The following NRXN3 variants were observed in gnomAD, a reference collection of about 807,000 sequenced individuals.
NRXN3 encodes neurexin III.
NRXN3 carries 32 observed loss-of-function variants against 137.6 expected under a neutral mutation model. That is an observed-to-expected ratio of 0.23 (90% CI 0.18 to 0.31). The LOEUF is 0.31. Ranked by LOEUF, NRXN3 falls within the 10% of genes least tolerant of loss-of-function variation. The pLI is 1.00. For missense variants in NRXN3, 1,574 were observed against 2,062.5 expected (o/e 0.76, Z 4.59); for synonymous variants, 798 against 784.5 (o/e 1.02, Z -0.29).
At chr14:78,907,341 C>T (rs1365961001) in intron 10 of NRXN3, among the ~76,000 whole-genome samples, 1 of 151,968 alleles carries the variant, frequency 6.6e-6, no homozygotes, top group Non-Finnish European at 1.5e-5. Context: ...GGTCACATGG[C>T]CACTTTTCTG....
At chr14:79,850,788 A>G (rs139130966) in intron 20 of NRXN3, among the ~76,000 whole-genome samples, 1 of 152,326 alleles carries the variant, frequency 6.6e-6, no homozygotes, top group African/African-American at 2.4e-5. Context: ...ATGAACTGCT[A>G]TTAGCAAGCA....
intron 20 of NRXN3, among the ~76,000 whole-genome samples, chr14:79,809,574 A>G (rs1603568917): frequency 6.6e-6 from 1 of 152,202 alleles, no homozygotes; most frequent in Non-Finnish European, 1.5e-5. Flanking sequence ...CCAGAATTGA[A>G]CCTTTAAACA....
At chr14:78,951,276 T>C (rs954642200) in intron 10 of NRXN3, among the ~76,000 whole-genome samples, 3 of 152,198 alleles carry the variant, frequency 2.0e-5, no homozygotes, top group African/African-American at 4.8e-5. Flanking sequence ...TTCCAAGAGC[T>C]TCCAGTATGT....
At chr14:79,126,426 T>C (rs1258784207) in intron 15 of NRXN3, among the ~76,000 whole-genome samples, 3 of 150,608 alleles carry the variant, frequency 2.0e-5, no homozygotes, top group Middle Eastern at 6.8e-3. Context: ...TATGCGGTGT[T>C]TGGTTTTTTG....
chr14:78,286,019 G>A (rs1177570311), intron 3 of NRXN3, among the ~76,000 whole-genome samples: 1 of 152,156 alleles, frequency 6.6e-6, no homozygotes, highest in Non-Finnish European at 1.5e-5. Flanking sequence ...GCTCACTCAG[G>A]GATGCAGATC....
At chr14:78,736,237 A>G (rs922816434) in intron 8 of NRXN3, among the ~76,000 whole-genome samples, 1 of 152,218 alleles carries the variant, frequency 6.6e-6, no homozygotes, top group Admixed American at 6.5e-5. Flanking sequence ...CCTTTCGCTT[A>G]GCGTGGCCAT....
chr14:78,668,488 G>T (rs2097906253), intron 6 of NRXN3, among the ~76,000 whole-genome samples: 1 of 152,140 alleles, frequency 6.6e-6, no homozygotes, highest in African/African-American at 2.4e-5. Context: ...GACTCTTTTA[G>T]TTGTTGAAAC....
intron 10 of NRXN3, among the ~76,000 whole-genome samples, chr14:78,938,835 C>A (rs533212656): frequency 7.1e-6 from 1 of 141,446 alleles, no homozygotes; most frequent in East Asian, 2.0e-4. Context: ...TTTGAAGGTC[C>A]AGAGTGATTT....
chr14:79,436,835 T>G (rs2095852807), intron 15 of NRXN3, among the ~76,000 whole-genome samples: 2 of 152,172 alleles, frequency 1.3e-5, no homozygotes, highest in Admixed American at 1.3e-4. Context: ...TTAAAATTTC[T>G]TCTCTGCTTT....
At chr14:79,812,116 T>A (rs1217154499) in intron 20 of NRXN3, among the ~76,000 whole-genome samples, 1 of 152,108 alleles carries the variant, frequency 6.6e-6, no homozygotes, top group African/African-American at 2.4e-5. Context: ...ATAACAAATA[T>A]ATTTAATAAT....
chr14:78,516,665 T>C (rs542538569), intron 4 of NRXN3, among the ~76,000 whole-genome samples: 8 of 152,174 alleles, frequency 5.3e-5, no homozygotes, highest in Admixed American at 1.3e-4. Context: ...TGAGCTAATG[T>C]GAAAGATTTG....
At chr14:78,734,432 A>G (rs1036627162) in intron 8 of NRXN3, among the ~76,000 whole-genome samples, 1 of 152,212 alleles carries the variant, frequency 6.6e-6, no homozygotes, top group African/African-American at 2.4e-5. Context: ...AATGATATTT[A>G]CTCAAATATT....
At chr14:79,190,556 C>A (rs141134024) in intron 15 of NRXN3, among the ~76,000 whole-genome samples, 1 of 152,046 alleles carries the variant, frequency 6.6e-6, no homozygotes, top group Non-Finnish European at 1.5e-5. Flanking sequence ...TGTTCAGTTG[C>A]CCCGGTGTGC....
At chr14:78,585,676 A>G (rs2097055351) in intron 4 of NRXN3, among the ~76,000 whole-genome samples, 1 of 152,088 alleles carries the variant, frequency 6.6e-6, no homozygotes. Context: ...GGGAGGGGCC[A>G]GGGTGACACC....
At position 79,498,457 on chromosome 14, in the gene NRXN3, G is replaced by C. The variant is rs935198991; in HGVS notation, c.3444+31055G>C. Among the ~76,000 whole-genome samples, 7 of 152,246 alleles carry C rather than the reference G, an allele frequency of 4.6e-5. No homozygotes were observed. In the East Asian group the frequency reaches 1.4e-3, roughly 29 times the overall value. ...GAGCTTCCACTGTGATACCCAGTAG[G>C]CATCTGAAAAGCATCAGGTCCAAAA... is the stretch of plus-strand genomic sequence containing the variant. On this transcript the variant is annotated intron_variant, in intron 16 of 20. Transcript: ENST00000335750.
chr14:78,225,901 T>C (rs2064492710), intron 1 of NRXN3, among the ~76,000 whole-genome samples: 2 of 151,736 alleles, frequency 1.3e-5, no homozygotes, highest in Admixed American at 6.6e-5. Flanking sequence ...GCTGGGATCT[T>C]TGGGACTCCA....
intron 10 of NRXN3, among the ~76,000 whole-genome samples, chr14:78,876,741 C>T (rs2099114810): frequency 6.6e-6 from 1 of 152,122 alleles, no homozygotes. Context: ...CCTAGTGTTT[C>T]TCATATGTAC....
chr14:79,851,385 A>G (rs974110198), intron 20 of NRXN3, among the ~76,000 whole-genome samples: 2 of 152,088 alleles, frequency 1.3e-5, no homozygotes, highest in Non-Finnish European at 2.9e-5. Flanking sequence ...TCCATCTAAA[A>G]CTTTCCAGCT....
intron 19 of NRXN3, among the ~76,000 whole-genome samples, chr14:79,699,942 G>T (rs1437864329): frequency 6.6e-6 from 1 of 151,938 alleles, no homozygotes; most frequent in Non-Finnish European, 1.5e-5. Flanking sequence ...CTGCGATGAG[G>T]GATTTTAAAA....
Sources: allele counts gnomAD v4.1 joint callset (sites outside exome capture counted in the v4.1 genomes callset), GRCh38; gene constraint gnomAD v4.1.1; transcripts MANE v1.5; gene names NCBI Gene and HGNC (gene_info 2026-07-23, HGNC 2026-07-21).